The following EPHB1 variants were observed in gnomAD, a reference collection of about 807,000 sequenced individuals.
EPHB1 encodes the protein EPH receptor B1, also known as ephrin type-B receptor 1.
Under a neutral mutation model 94.4 loss-of-function variants are expected in EPHB1, and 30 were observed. That is an observed-to-expected ratio of 0.32 (90% CI 0.24 to 0.43). The LOEUF (loss-of-function observed/expected upper bound fraction) is 0.43. EPHB1 is among the 20% of genes least tolerant of loss of function. The probability of loss-of-function intolerance (pLI) is 1.00; values close to 1 mark genes in which losing one functional copy is unlikely to be tolerated. For missense variants in EPHB1, 1,055 were observed against 1,308.3 expected (o/e 0.81, Z 2.99); for synonymous variants, 522 against 489.1 (o/e 1.07, Z -0.89).
intron 3 of EPHB1, among the ~76,000 whole-genome samples, chr3:135,053,027 GTATA>G (rs1243029809): frequency 2.7e-5 from 3 of 110,464 alleles, no homozygotes; most frequent in Admixed American, 1.9e-4. Context: ...GTGTGTGTGT[GTATA>G]TATATATATA....
chr3:134,800,388 T>C (rs9850491), intron 1 of EPHB1, among the ~76,000 whole-genome samples: 91,244 of 152,096 alleles, frequency 0.6, 30,637 homozygotes, highest in East Asian at 0.88. Context: ...AAGGCTTAGA[T>C]GTGTAGTGTT....
At chr3:135,035,934 C>T (rs952220475) in intron 3 of EPHB1, among the ~76,000 whole-genome samples, 14 of 152,162 alleles carry the variant, frequency 9.2e-5, no homozygotes, top group African/African-American at 3.4e-4. Flanking sequence ...TAGCCAGGTC[C>T]CCAGGTTTGA....
chr3:134,964,228 G>A (rs111793436), intron 3 of EPHB1, among the ~76,000 whole-genome samples: 2 of 152,338 alleles, frequency 1.3e-5, no homozygotes, highest in African/African-American at 4.8e-5. Flanking sequence ...AAACTGGGGA[G>A]GAATCGGGCA....
intron 12 of EPHB1, among the ~76,000 whole-genome samples, chr3:135,231,908 A>G (rs1943540011): frequency 6.6e-6 from 1 of 152,198 alleles, no homozygotes; most frequent in South Asian, 2.1e-4. Context: ...TAGCACGGTA[A>G]TAAATTACAG....
chr3:135,208,747 G>A (rs533872440), intron 12 of EPHB1, among the ~76,000 whole-genome samples: 2 of 152,324 alleles, frequency 1.3e-5, no homozygotes, highest in South Asian at 2.1e-4. Context: ...GTGTGAACCG[G>A]TGGTTTTAAA....
intron 3 of EPHB1, among the ~76,000 whole-genome samples, chr3:135,074,347 T>G (rs1937834723): frequency 6.6e-6 from 1 of 152,250 alleles, no homozygotes; most frequent in Non-Finnish European, 1.5e-5. Context: ...AGAAATTGAA[T>G]AAATGCAAGT....
At chr3:135,163,628 A>G (rs1941572250) in intron 7 of EPHB1, among the ~76,000 whole-genome samples, 2 of 152,208 alleles carry the variant, frequency 1.3e-5, no homozygotes, top group African/African-American at 4.8e-5. Flanking sequence ...ATCAGGACGT[A>G]CACAGGATTA....
chr3:134,972,495 AT>A (rs1351809431), intron 3 of EPHB1, among the ~76,000 whole-genome samples: 13 of 49,812 alleles, frequency 2.6e-4, no homozygotes, highest in African/African-American at 2.0e-3. Flanking sequence ...TACATTATAT[AT>A]TTATTATAAA....
chr3:135,240,106 C>T (rs1404326552), intron 12 of EPHB1, among the ~76,000 whole-genome samples: 1 of 152,160 alleles, frequency 6.6e-6, no homozygotes, highest in African/African-American at 2.4e-5. Flanking sequence ...GGGGAGTCTC[C>T]TCTGGTTTTC....
At chr3:135,222,940 G>A (rs1467590007) in intron 12 of EPHB1, among the ~76,000 whole-genome samples, 5 of 152,072 alleles carry the variant, frequency 3.3e-5, no homozygotes, top group African/African-American at 4.8e-5. Flanking sequence ...TCTCCCCATA[G>A]GCTCTGTTAT....
rs77204242 is a variant in EPHB1 at position 135,065,443 on chromosome 3, T to A, written c.806-41005T>A. ...TATTTTTCTGTTGGACAAGGCCTTT[T>A]ACCATTATATAATATCCGTCTTTGT... On this transcript the variant is annotated intron_variant, in intron 3 of 15. Transcript: ENST00000398015. Among the ~76,000 whole-genome samples the A allele has an allele frequency of 9.8e-3, 1,497 of 152,346 alleles. 20 individuals are homozygous for A. The highest frequency in any genetic ancestry group is 0.035 in the African/African-American group (1,440 of 41,580).
At chr3:135,030,658 A>G (rs575171813) in intron 3 of EPHB1, among the ~76,000 whole-genome samples, 1 of 152,202 alleles carries the variant, frequency 6.6e-6, no homozygotes, top group Non-Finnish European at 1.5e-5. Context: ...AAGTCCGCAG[A>G]GGTTACTGCT....
intron 4 of EPHB1, among the ~76,000 whole-genome samples, chr3:135,129,805 A>G (rs950669345): frequency 3.9e-5 from 6 of 152,332 alleles, no homozygotes; most frequent in Non-Finnish European, 7.3e-5. Context: ...CAGGAGTTCA[A>G]GTTGATACAG....
intron 3 of EPHB1, among the ~76,000 whole-genome samples, chr3:135,085,785 T>G (rs2107789013): frequency 6.6e-6 from 1 of 152,342 alleles, no homozygotes. Context: ...CAGCATATTA[T>G]TAACACCTCC....
At chr3:134,923,064 G>C (rs530250562) in intron 1 of EPHB1, among the ~76,000 whole-genome samples, 5 of 152,220 alleles carry the variant, frequency 3.3e-5, no homozygotes, top group African/African-American at 1.2e-4. Context: ...AGTGGAGATG[G>C]GGGGAGGGAG....
intron 1 of EPHB1, among the ~76,000 whole-genome samples, chr3:134,906,179 C>T (rs1304505890): frequency 2.0e-5 from 3 of 152,154 alleles, no homozygotes; most frequent in Admixed American, 2.0e-4. Context: ...TTCTGTTTCC[C>T]TTTATACCCC....
intron 5 of EPHB1, among the ~76,000 whole-genome samples, chr3:135,150,898 C>T (rs1941171583): frequency 6.6e-6 from 1 of 152,196 alleles, no homozygotes; most frequent in Admixed American, 6.5e-5. Context: ...AGCACCTGGG[C>T]TCTCCTCTCA....
chr3:134,954,799 T>G (rs569988191), intron 3 of EPHB1, among the ~76,000 whole-genome samples: 2 of 152,354 alleles, frequency 1.3e-5, no homozygotes, highest in Admixed American at 6.5e-5. Context: ...GCTTTCACTT[T>G]GCTTCTGTGA....
chr3:134,913,866 T>C (rs36205), intron 1 of EPHB1, among the ~76,000 whole-genome samples: 98,057 of 152,132 alleles, frequency 0.64, 34,109 homozygotes, highest in African/African-American at 0.91. Context: ...ATATTGGTGG[T>C]GGTCGGTGGT....
Sources: gnomAD v4.1 joint callset for allele counts (sites outside exome capture counted in the v4.1 genomes callset) on GRCh38, gnomAD v4.1.1 for gene constraint, MANE v1.5 for transcripts, NCBI Gene and HGNC (gene_info 2026-07-23, HGNC 2026-07-21) for gene names.